The following KCND2 variants were observed in gnomAD, a reference collection of about 807,000 sequenced individuals.
KCND2 encodes potassium voltage-gated channel subfamily D member 2.
In KCND2, 16 loss-of-function variants were observed where a neutral mutation model predicts 54.4. That is an observed-to-expected ratio of 0.29 (90% CI 0.20 to 0.45). The LOEUF is 0.45. KCND2 is among the 20% of genes least tolerant of loss of function. The probability of loss-of-function intolerance (pLI) is 1.00; values close to 1 mark genes in which losing one functional copy is unlikely to be tolerated. For synonymous variants in KCND2, 317 were observed against 310.7 expected (o/e 1.02, Z -0.21); for missense variants, 486 against 824.2 (o/e 0.59, Z 5.02).
At chr7:120,339,203 C>A (rs1584737215) in intron 1 of KCND2, among the ~76,000 whole-genome samples, 1 of 151,826 alleles carries the variant, frequency 6.6e-6, no homozygotes, top group African/African-American at 2.4e-5. Context: ...TTGCTACTAT[C>A]TTTAATAGCT....
At position 120,353,384 on chromosome 7, in the gene KCND2, G is replaced by A. The variant is rs551027550; in HGVS notation, c.1115+77637G>A. On this transcript the variant is annotated intron_variant, in intron 1 of 5. Transcript: ENST00000331113. ...AGTTATAGGGAAGTTTGTTTATGCC[G>A]CAGGCTTTTAGTAACTCAATCTTTG... 9.2e-5 allele frequency among the ~76,000 whole-genome samples: 14 copies of A among 152,088 alleles called. No individual in the cohort carries two copies. The South Asian group carries it at 1.7e-3, about 18-fold the overall frequency.
intron 1 of KCND2, among the ~76,000 whole-genome samples, chr7:120,480,361 C>T (rs1005620565): frequency 2.9e-4 from 44 of 152,146 alleles, no homozygotes; most frequent in African/African-American, 1.1e-3. Flanking sequence ...CCAACAGAAA[C>T]TCCTGTATTC....
intron 1 of KCND2, among the ~76,000 whole-genome samples, chr7:120,397,987 GTGTGTGTGTATA>G (rs1380654143): frequency 8.5e-5 from 3 of 35,302 alleles, no homozygotes; most frequent in African/African-American, 2.0e-4. Context: ...GTGTGTGTGT[GTGTGTGTGTATA>G]TATATATATA....
intron 1 of KCND2, among the ~76,000 whole-genome samples, chr7:120,572,082 T>A (rs899278367): frequency 2.0e-5 from 3 of 152,194 alleles, no homozygotes; most frequent in Non-Finnish European, 1.5e-5. Flanking sequence ...GCTGGTTAAA[T>A]GAAAAGAACG....
chr7:120,672,845 C>T (rs1331164666), intron 1 of KCND2: 1 of 151,956 alleles, frequency 6.6e-6, no homozygotes, highest in Non-Finnish European at 1.5e-5. Flanking sequence ...TGACTGGTGT[C>T]CTTATACAAA....
chr7:120,582,233 C>T (rs975986543), intron 1 of KCND2, among the ~76,000 whole-genome samples: 2 of 152,104 alleles, frequency 1.3e-5, no homozygotes, highest in Non-Finnish European at 2.9e-5. Context: ...CTAAAAGATC[C>T]CAAGACCTCT....
chr7:120,720,690 T>C (rs372800664), intron 1 of KCND2, among the ~76,000 whole-genome samples: 1 of 152,168 alleles, frequency 6.6e-6, no homozygotes, highest in Non-Finnish European at 1.5e-5. Context: ...CCAGCCTCCA[T>C]GACACTCTGC....
chr7:120,294,091 A>G (rs1799475013), intron 1 of KCND2, among the ~76,000 whole-genome samples: 1 of 151,984 alleles, frequency 6.6e-6, no homozygotes. Flanking sequence ...AGCAATTCTC[A>G]ATACAACCAT....
At chr7:120,318,539 T>A (rs767849864) in intron 1 of KCND2, among the ~76,000 whole-genome samples, 4 of 152,096 alleles carry the variant, frequency 2.6e-5, no homozygotes. Context: ...GGCAACATAT[T>A]TATTTGCTTT....
chr7:120,337,281 G>T (rs1800165384), intron 1 of KCND2, among the ~76,000 whole-genome samples: 1 of 152,054 alleles, frequency 6.6e-6, no homozygotes, highest in Non-Finnish European at 1.5e-5. Context: ...AGTATATTGT[G>T]AAAGAATTGC....
chr7:120,505,971 TTTA>T (rs1228461422), intron 1 of KCND2, among the ~76,000 whole-genome samples: 3 of 143,524 alleles, frequency 2.1e-5, no homozygotes, highest in Non-Finnish European at 4.9e-5. Flanking sequence ...ATTTAATGTT[TTTA>T]TTATTTTGTA....
chr7:120,299,414 G>A (rs772633499), intron 1 of KCND2, among the ~76,000 whole-genome samples: 5 of 152,026 alleles, frequency 3.3e-5, no homozygotes, highest in Admixed American at 6.6e-5. Context: ...GTGTGTGAAA[G>A]TTCTCCTGGA....
At chr7:120,639,583 A>G (rs1026937602) in intron 1 of KCND2, among the ~76,000 whole-genome samples, 6 of 152,178 alleles carry the variant, frequency 3.9e-5, no homozygotes, top group Admixed American at 3.9e-4. Context: ...TTTTTAATAG[A>G]TTAATGTCAA....
At chr7:120,649,877 C>CT (rs1791704451) in intron 1 of KCND2, among the ~76,000 whole-genome samples, 1 of 152,100 alleles carries the variant, frequency 6.6e-6, no homozygotes, top group African/African-American at 2.4e-5. Context: ...ACTTAATAAG[C>CT]TTAGTTTGGC....
chr7:120,512,156 C>A (rs1281086142), intron 1 of KCND2, among the ~76,000 whole-genome samples: 1 of 152,004 alleles, frequency 6.6e-6, no homozygotes, highest in Non-Finnish European at 1.5e-5. Flanking sequence ...AACTCACCAA[C>A]CTTCAAAAGA....
chr7:120,625,584 C>T, intron 1 of KCND2, among the ~76,000 whole-genome samples: 1 of 152,004 alleles, frequency 6.6e-6, no homozygotes, highest in Non-Finnish European at 1.5e-5. Flanking sequence ...TTAACTCATA[C>T]TATATATTTG....
At chr7:120,634,621 A>G (rs1394966251) in intron 1 of KCND2, among the ~76,000 whole-genome samples, 1 of 152,064 alleles carries the variant, frequency 6.6e-6, no homozygotes, top group African/African-American at 2.4e-5. Flanking sequence ...TTCTCACCCA[A>G]TGCTTGTAAA....
intron 1 of KCND2, among the ~76,000 whole-genome samples, chr7:120,462,018 A>C (rs1802290955): frequency 6.6e-6 from 1 of 152,148 alleles, no homozygotes; most frequent in Non-Finnish European, 1.5e-5. Context: ...TAAAATTATA[A>C]AATTAAATTC....
chr7:120,448,014 C>CA (rs1219075953), intron 1 of KCND2, among the ~76,000 whole-genome samples: 1 of 152,054 alleles, frequency 6.6e-6, no homozygotes, highest in Middle Eastern at 3.4e-3. Flanking sequence ...AAACTGGACC[C>CA]AAAAAACCTT....
Sources: gnomAD v4.1 joint callset for allele counts (sites outside exome capture counted in the v4.1 genomes callset) on GRCh38, gnomAD v4.1.1 for gene constraint, MANE v1.5 for transcripts, NCBI Gene and HGNC (gene_info 2026-07-23, HGNC 2026-07-21) for gene names.